The following CDIP1 variants were observed in gnomAD, a reference collection of about 807,000 sequenced individuals.
The protein encoded by CDIP1 is cell death inducing p53 target 1.
CDIP1 carries 9 observed loss-of-function variants against 17.7 expected under a neutral mutation model. The ratio of observed to expected loss-of-function variants is 0.51; its 90% CI spans 0.31 to 0.89. CDIP1 has a LOEUF of 0.89. Ranked by LOEUF, CDIP1 falls within the 40% of genes least tolerant of loss-of-function variation. The pLI is 0.05. For missense variants in CDIP1, 263 were observed against 277.9 expected (o/e 0.95, Z 0.38); for synonymous variants, 117 against 109.5 (o/e 1.07, Z -0.43).
At chr16:4,526,478 A>C (rs1016887663) in intron 1 of CDIP1, among the ~76,000 whole-genome samples, 64 of 152,078 alleles carry the variant, frequency 4.2e-4, no homozygotes, top group Admixed American at 2.0e-4. Context: ...AGGCAGGCGG[A>C]TCACAGATCA....
At chr16:4,538,256 G>A (rs1411534029) in intron 1 of CDIP1, 2 of 152,162 alleles carry the variant, frequency 1.3e-5, no homozygotes, top group East Asian at 1.9e-4. Context: ...GCCGCGCTAG[G>A]TCTCGGCAGC....
At chr16:4,526,849 G>A (rs2059006375) in intron 1 of CDIP1, among the ~76,000 whole-genome samples, 1 of 152,144 alleles carries the variant, frequency 6.6e-6, no homozygotes. Flanking sequence ...AGGCAGAGCT[G>A]CAGGGGCAGA....
intron 1 of CDIP1, among the ~76,000 whole-genome samples, chr16:4,516,204 G>A (rs954979316): frequency 2.0e-5 from 3 of 152,136 alleles, no homozygotes; most frequent in African/African-American, 7.2e-5. Flanking sequence ...TATATGAAAT[G>A]TCCCCAATAG....
At chr16:4,516,343 G>A (rs1057103989) in intron 1 of CDIP1, among the ~76,000 whole-genome samples, 1 of 152,138 alleles carries the variant, frequency 6.6e-6, no homozygotes, top group Non-Finnish European at 1.5e-5. Flanking sequence ...ACAGTTGAAC[G>A]ATTCTGTGAA....
Position 4,512,693 on chromosome 16 carries a change from A to C in CDIP1, c.516-10T>G, listed in dbSNP as rs1358131469. ...GCAGCCCAGATCACATCTGAATCAG[A>C]GACAGGGAAGAACAGGCTGAGGCCT... On this transcript the variant is annotated splice_polypyrimidine_tract_variant and intron_variant, in intron 5 of 5. Transcript: ENST00000567695. The surrounding 1 kb of genome is among the most constrained non-coding windows in gnomAD (Gnocchi z 4.6). The C allele has an allele frequency of 6.2e-7, 1 of 1,611,102 alleles. No individual in the cohort carries two copies. Among genetic ancestry groups the C allele is most frequent in the African/African-American group, 1.3e-5 (1 of 74,850 alleles).
At chr16:4,519,935 ACT>A (rs1171387115) in intron 1 of CDIP1, among the ~76,000 whole-genome samples, 1 of 151,802 alleles carries the variant, frequency 6.6e-6, no homozygotes, top group African/African-American at 2.4e-5. Flanking sequence ...GGAACCAAAT[ACT>A]CTCTTTTCTT....
At chr16:4,529,068 G>A (rs940663128) in intron 1 of CDIP1, among the ~76,000 whole-genome samples, 1 of 152,084 alleles carries the variant, frequency 6.6e-6, no homozygotes, top group African/African-American at 2.4e-5. Flanking sequence ...TTCACCTACA[G>A]GAGAAAATGC....
intron 1 of CDIP1, among the ~76,000 whole-genome samples, chr16:4,537,505 C>G (rs1357777744): frequency 6.6e-6 from 1 of 152,184 alleles, no homozygotes; most frequent in South Asian, 2.1e-4. Context: ...CGGGCACCGC[C>G]CCGCCCAGCA....
chr16:4,517,100 C>T (rs960801084), intron 1 of CDIP1, among the ~76,000 whole-genome samples: 5 of 152,162 alleles, frequency 3.3e-5, no homozygotes, highest in Non-Finnish European at 7.3e-5. Context: ...CCGCTCTTTC[C>T]CTTTTGTTAG....
chr16:4,529,575 T>A (rs1043999917), intron 1 of CDIP1, among the ~76,000 whole-genome samples: 3 of 152,152 alleles, frequency 2.0e-5, no homozygotes, highest in African/African-American at 7.2e-5. Flanking sequence ...AATAAACAAG[T>A]CATCTGCACC....
At chr16:4,527,592 G>C (rs1173608644) in intron 1 of CDIP1, among the ~76,000 whole-genome samples, 2 of 152,154 alleles carry the variant, frequency 1.3e-5, no homozygotes, top group African/African-American at 2.4e-5. Flanking sequence ...ACAGCATAGT[G>C]GATCAGTACA....
chr16:4,517,905 C>T (rs142932742), intron 1 of CDIP1, among the ~76,000 whole-genome samples: 106 of 152,274 alleles, frequency 7.0e-4, no homozygotes, highest in Middle Eastern at 6.8e-3. Flanking sequence ...AAAACTGCTC[C>T]AATACGTTGA....
At chr16:4,515,505 C>T (rs2058878781) in intron 1 of CDIP1, among the ~76,000 whole-genome samples, 1 of 152,172 alleles carries the variant, frequency 6.6e-6, no homozygotes, top group African/African-American at 2.4e-5. Flanking sequence ...TCTTGTGCTT[C>T]AAAGGATACC....
At chr16:4,517,106 G>A (rs2058896245) in intron 1 of CDIP1, among the ~76,000 whole-genome samples, 1 of 152,176 alleles carries the variant, frequency 6.6e-6, no homozygotes, top group Non-Finnish European at 1.5e-5. Context: ...TTTCCCTTTT[G>A]TTAGATTATC....
intron 1 of CDIP1, among the ~76,000 whole-genome samples, chr16:4,520,837 A>C (rs2058938728): frequency 6.6e-6 from 1 of 152,202 alleles, no homozygotes; most frequent in African/African-American, 2.4e-5. Context: ...TGTATGCTAA[A>C]TATCCAAATC....
intron 1 of CDIP1, among the ~76,000 whole-genome samples, chr16:4,526,232 C>CT (rs1389383419): frequency 2.6e-5 from 4 of 152,022 alleles, no homozygotes; most frequent in African/African-American, 9.7e-5. Context: ...TGGTGAAACT[C>CT]TGTTTGTACA....
chr16:4,523,391 G>A (rs2058970539), intron 1 of CDIP1, among the ~76,000 whole-genome samples: 1 of 152,178 alleles, frequency 6.6e-6, no homozygotes, highest in African/African-American at 2.4e-5. Flanking sequence ...GCACGTGCCT[G>A]TAATCCCAGC....
chr16:4,529,945 T>A (rs2059038247), intron 1 of CDIP1, among the ~76,000 whole-genome samples: 2 of 152,146 alleles, frequency 1.3e-5, no homozygotes, highest in South Asian at 4.1e-4. Context: ...CTTGCCTGAG[T>A]CCCCCTATTC....
At chr16:4,527,755 G>A (rs1265547258) in intron 1 of CDIP1, among the ~76,000 whole-genome samples, 1 of 152,200 alleles carries the variant, frequency 6.6e-6, no homozygotes, top group Non-Finnish European at 1.5e-5. Flanking sequence ...AAATGGAACT[G>A]GTTACATGCA....
Sources: allele counts gnomAD v4.1 joint callset (sites outside exome capture counted in the v4.1 genomes callset), GRCh38; gene constraint gnomAD v4.1.1; non-coding constraint Gnocchi (gnomAD v3.1); transcripts MANE v1.5; gene names NCBI Gene and HGNC (gene_info 2026-07-23, HGNC 2026-07-21).